Variants in SLC25A17 observed in about 807,000 individuals in gnomAD.
The protein encoded by SLC25A17 is peroxisomal membrane protein PMP34.
In SLC25A17, 26 loss-of-function variants were observed where a neutral mutation model predicts 38.5. That is an observed-to-expected ratio of 0.68 (90% CI 0.50 to 0.94). SLC25A17 has a LOEUF of 0.94. SLC25A17 is among the 40% of genes least tolerant of loss of function. SLC25A17 has a pLI of 0.00. For synonymous variants in SLC25A17, 139 were observed against 136.2 expected (o/e 1.02, Z -0.14); for missense variants, 333 against 372.7 (o/e 0.89, Z 0.88).
At chr22:40,777,472 A>G (rs1039700008) in intron 5 of SLC25A17, 99 bp from the exon 6 acceptor site, 90 of 1,311,362 alleles carry the variant, frequency 6.9e-5, no homozygotes, top group Non-Finnish European at 5.6e-5. Flanking sequence ...AACACAAACC[A>G]TACTGGTTCT....
At chr22:40,807,943 A>G (rs773204674) in intron 1 of SLC25A17, among the ~76,000 whole-genome samples, 2 of 152,196 alleles carry the variant, frequency 1.3e-5, no homozygotes, top group Non-Finnish European at 2.9e-5. Context: ...GTATAAGCAT[A>G]TAACTTTTCA....
In SLC25A17 at chr22:40,801,128, CATATATATATATATATATATATAT is replaced by C. The variant is rs60780380; in HGVS notation, c.55-2069_55-2046del. Among the ~76,000 whole-genome samples the C allele has an allele frequency of 7.2e-4, 73 of 101,208 alleles. 2 individuals are homozygous for C. The highest frequency in any genetic ancestry group is 6.8e-3 in the Middle Eastern group (1 of 148). 66.4% of individuals were successfully genotyped at this position (101,208 alleles called of 152,430 possible). A position where few individuals can be genotyped will look rare whatever the true frequency, so the allele number is the denominator to read the frequency against. On this transcript the variant is annotated intron_variant, in intron 1 of 8. Transcript: ENST00000435456. The stretch of plus-strand genomic sequence containing the variant: ...AAAGAAAAAAGAAAAAAATATATTA[CATATATATATATATATATATATAT>C]ATATATATATATATATGTAAATGAT...
Position 40,794,561 on chromosome 22 carries a change from G to A in SLC25A17, c.135C>T (p.Ser45=). 1 of 1,610,228 alleles carries A rather than the reference G, an allele frequency of 6.2e-7. No individual in the cohort carries two copies. Among genetic ancestry groups the A allele is most frequent in the Non-Finnish European group, 8.5e-7 (1 of 1,176,958 alleles). Residue 45 remains serine (S), a synonymous_variant, in exon 3 of 9, where the codon TCC becomes TCT. Transcript: ENST00000435456. ...CCAGGAGCACCATGTGTGTAGTTTTGGATTTTCTTTTCTCATCAACTACAA... is the reference window on the plus strand; with the variant it reads ...CCAGGAGCACCATGTGTGTAGTTTTAGATTTTCTTTTCTCATCAACTACAA... ...LRLQVDEKRK[S]KTTHMVLLEI...
At chr22:40,814,794 T>A (rs1398745764) in intron 1 of SLC25A17, among the ~76,000 whole-genome samples, 2 of 148,002 alleles carry the variant, frequency 1.4e-5, no homozygotes, top group African/African-American at 5.0e-5. Context: ...TATATATTGT[T>A]GTTGTTGTTG....
intron 1 of SLC25A17, among the ~76,000 whole-genome samples, chr22:40,810,845 T>C (rs2057574303): frequency 6.6e-6 from 1 of 152,204 alleles, no homozygotes; most frequent in African/African-American, 2.4e-5. Context: ...TATACTGATA[T>C]CTTATTAATC....
At chr22:40,807,498 C>T (rs1314444141) in intron 1 of SLC25A17, among the ~76,000 whole-genome samples, 2 of 151,946 alleles carry the variant, frequency 1.3e-5, no homozygotes, top group African/African-American at 4.8e-5. Flanking sequence ...GCCTGTAATC[C>T]CACCACTTTG....
chr22:40,773,168 G>GAAA (rs1313875359), intron 8 of SLC25A17, among the ~76,000 whole-genome samples: 3 of 152,044 alleles, frequency 2.0e-5, no homozygotes, highest in African/African-American at 7.2e-5. Context: ...CCAGCACTTT[G>GAAA]GGAGGCTGAG....
Position 40,777,299 on chromosome 22 carries a change from C to T in SLC25A17, c.526G>A (p.Val176Ile), listed in dbSNP as rs146405395. 1.4e-5 allele frequency: 23 copies of T among 1,614,040 alleles called. No homozygotes were observed. Among genetic ancestry groups the T allele is most frequent in the Non-Finnish European group, 1.9e-5 (23 of 1,180,020 alleles). Residue 176 changes from valine (V) to isoleucine (I), a missense_variant, in exon 6 of 9, where the codon GTC becomes ATC. Val to Ile is a conservative substitution (Grantham distance 29). Coordinates refer to ENST00000435456, the MANE Select transcript of SLC25A17 (RefSeq NM_006358.4). Reference protein sequence around the residue: ...WNGTFPSLLLVFNPAIQFMFY... With the variant: ...WNGTFPSLLLIFNPAIQFMFY... ...ATGAACTGGATGGCAGGATTGAAGACCAACAGCAATGAGGGAAATGTGCCA... is the reference window on the plus strand; with the variant it reads ...ATGAACTGGATGGCAGGATTGAAGATCAACAGCAATGAGGGAAATGTGCCA...
chr22:40,774,745 A>G (rs1288045524), intron 7 of SLC25A17, among the ~76,000 whole-genome samples: 1 of 152,240 alleles, frequency 6.6e-6, no homozygotes, highest in East Asian at 1.9e-4. Flanking sequence ...GTGTTAAAAT[A>G]CATTTATAAG....
intron 1 of SLC25A17, among the ~76,000 whole-genome samples, chr22:40,816,849 G>A (rs1242475166): frequency 3.3e-5 from 5 of 152,086 alleles, no homozygotes; most frequent in African/African-American, 7.2e-5. Flanking sequence ...GACCTCAGGC[G>A]ATCCGCCTGC....
chr22:40,785,365 C>T (rs1181108712), intron 4 of SLC25A17, among the ~76,000 whole-genome samples: 2 of 152,208 alleles, frequency 1.3e-5, no homozygotes, highest in Non-Finnish European at 2.9e-5. Context: ...GCCCGGGTGA[C>T]AGAGTGAGAC....
At chr22:40,806,247 GA>G (rs1195221116) in intron 1 of SLC25A17, among the ~76,000 whole-genome samples, 1 of 152,178 alleles carries the variant, frequency 6.6e-6, no homozygotes, top group Non-Finnish European at 1.5e-5. Flanking sequence ...CCAATTAAAG[GA>G]AAGGGTACAC....
intron 4 of SLC25A17, 111 bp downstream of exon 4, chr22:40,792,414 G>A: frequency 9.4e-6 from 8 of 847,416 alleles, no homozygotes; most frequent in Admixed American, 6.7e-5. Context: ...AACCAAGTTG[G>A]AAAACTGGCT....
At chr22:40,786,432 G>A (rs1003190253) in intron 4 of SLC25A17, among the ~76,000 whole-genome samples, 2 of 152,150 alleles carry the variant, frequency 1.3e-5, no homozygotes, top group African/African-American at 4.8e-5. Flanking sequence ...AGGGGAAGTG[G>A]ATCCAGGACC....
chr22:40,775,278 C>T (rs1487211812), intron 7 of SLC25A17, among the ~76,000 whole-genome samples: 1 of 152,056 alleles, frequency 6.6e-6, no homozygotes, highest in Non-Finnish European at 1.5e-5. Flanking sequence ...ATTCTTAGTA[C>T]ATTGATATGG....
chr22:40,785,685 A>T (rs757679577), intron 4 of SLC25A17, among the ~76,000 whole-genome samples: 3 of 152,226 alleles, frequency 2.0e-5, no homozygotes, highest in Non-Finnish European at 4.4e-5. Flanking sequence ...GGCTCTGAAC[A>T]GAGAAATGAC....
At chr22:40,785,527 G>GAC (rs2057330659) in intron 4 of SLC25A17, among the ~76,000 whole-genome samples, 1 of 152,230 alleles carries the variant, frequency 6.6e-6, no homozygotes, top group Non-Finnish European at 1.5e-5. Context: ...TACACAGGCA[G>GAC]ACACGTGCCA....
Position 40,819,329 on chromosome 22 carries a change from T to A in SLC25A17, c.-81A>T. The A allele has an allele frequency of 7.2e-7, 1 of 1,397,246 alleles. No individual in the cohort carries two copies. The highest frequency in any genetic ancestry group is 9.7e-7 in the Non-Finnish European group (1 of 1,034,306). 86.6% of individuals were successfully genotyped at this position (1,397,246 alleles called of 1,614,324 possible). A position where few individuals can be genotyped will look rare whatever the true frequency, so the allele number is the denominator to read the frequency against. ...GGAGTTAGGAAAGGAGCACCGGAGC[T>A]CAGGGTGTGAGAGTCGCAATCCCCG... is the stretch of plus-strand genomic sequence containing the variant. On this transcript the variant is annotated 5_prime_UTR_variant, in exon 1 of 9. Transcript: ENST00000435456.
At chr22:40,814,817 GTTTTGGTTTT>G (rs1244097913) in intron 1 of SLC25A17, among the ~76,000 whole-genome samples, 33 of 144,236 alleles carry the variant, frequency 2.3e-4, no homozygotes, top group Middle Eastern at 3.5e-3. Context: ...GTTTTGTTTT[GTTTTGGTTTT>G]TTTTGTTTTT....
Sources: gnomAD v4.1 joint callset for allele counts (sites outside exome capture counted in the v4.1 genomes callset) on GRCh38, gnomAD v4.1.1 for gene constraint, MANE v1.5 for transcripts, NCBI Gene and HGNC (gene_info 2026-07-23, HGNC 2026-07-21) for gene names.